The following CSMD1 variants were observed in gnomAD, a reference collection of about 807,000 sequenced individuals.
CSMD1 encodes the protein CUB and Sushi multiple domains 1, also known as CUB and sushi domain-containing protein 1.
CSMD1 carries 213 observed loss-of-function variants against 417.5 expected under a neutral mutation model. The ratio of observed to expected loss-of-function variants is 0.51; its 90% confidence interval spans 0.46 to 0.57. The LOEUF (loss-of-function observed/expected upper bound fraction) is 0.57, where lower values mean the gene tolerates loss of function less well. Ranked by LOEUF, CSMD1 falls within the 20% of genes least tolerant of loss-of-function variation. CSMD1 has a pLI of 0.00. For synonymous variants in CSMD1, 2,862 were observed against 1,736.8 expected (o/e 1.65, Z -16.11); for missense variants, 6,923 against 4,529.7 (o/e 1.53, Z -15.17).
At chr8:4,536,589 T>G (rs1036222098) in intron 2 of CSMD1, among the ~76,000 whole-genome samples, 1 of 152,230 alleles carries the variant, frequency 6.6e-6, no homozygotes, top group Non-Finnish European at 1.5e-5. Flanking sequence ...GTGGATATCC[T>G]GCCGTTTAGT....
At chr8:4,547,387 C>A (rs1797684728) in intron 2 of CSMD1, among the ~76,000 whole-genome samples, 1 of 152,192 alleles carries the variant, frequency 6.6e-6, no homozygotes, top group Non-Finnish European at 1.5e-5. Context: ...TTACTTTCTT[C>A]TTTTATATTT....
chr8:4,701,899 A>T lies in CSMD1; in HGVS notation c.86-64341T>A, dbSNP rs866218768. On this transcript the variant is annotated intron_variant, in intron 1 of 69. Transcript: ENST00000635120. ...ATAGACTGGATAAAGAACATGTGGC[A>T]CACGTACACTGTGGAATACTATGCA... Among the ~76,000 whole-genome samples, 6 of 152,336 alleles carry T rather than the reference A, an allele frequency of 3.9e-5. No homozygotes were observed. The South Asian group carries it at 6.2e-4, about 16-fold the overall frequency.
chr8:4,606,190 C>G (rs774152101), intron 2 of CSMD1, among the ~76,000 whole-genome samples: 6 of 152,176 alleles, frequency 3.9e-5, no homozygotes, highest in Non-Finnish European at 5.9e-5. Flanking sequence ...GGGCACTGCA[C>G]TCCACTCAGC....
At chr8:4,345,274 C>T (rs1800716398) in intron 3 of CSMD1, among the ~76,000 whole-genome samples, 1 of 152,128 alleles carries the variant, frequency 6.6e-6, no homozygotes, top group East Asian at 1.9e-4. Flanking sequence ...GGAACTTATG[C>T]TTTCTATGAG....
intron 3 of CSMD1, among the ~76,000 whole-genome samples, chr8:4,335,033 C>T (rs1800089373): frequency 6.6e-6 from 1 of 152,058 alleles, no homozygotes; most frequent in African/African-American, 2.4e-5. Flanking sequence ...TCCTTAGTAG[C>T]TGGGACCACA....
intron 1 of CSMD1, among the ~76,000 whole-genome samples, chr8:4,860,793 A>T (rs1351339917): frequency 6.6e-6 from 1 of 152,104 alleles, no homozygotes; most frequent in Non-Finnish European, 1.5e-5. Flanking sequence ...ATAATACCAA[A>T]TTGCAACTTC....
intron 41 of CSMD1, among the ~76,000 whole-genome samples, chr8:3,140,314 T>G (rs1051825828): frequency 6.7e-6 from 1 of 150,348 alleles, no homozygotes; most frequent in Admixed American, 6.7e-5. Context: ...GGGAAGTTGC[T>G]TCCTCTCTGA....
chr8:4,753,583 G>A (rs913918467), intron 1 of CSMD1, among the ~76,000 whole-genome samples: 1 of 151,960 alleles, frequency 6.6e-6, no homozygotes, highest in Non-Finnish European at 1.5e-5. Context: ...CTTCTCATTG[G>A]CACCCATGAA....
intron 25 of CSMD1, among the ~76,000 whole-genome samples, chr8:3,296,920 G>A (rs1021813537): frequency 2.6e-5 from 4 of 152,156 alleles, no homozygotes; most frequent in African/African-American, 9.7e-5. Context: ...GTAAGTTGGA[G>A]TTTCAGAGAG....
chr8:3,520,567 A>C (rs1797465826), intron 10 of CSMD1, among the ~76,000 whole-genome samples: 1 of 152,162 alleles, frequency 6.6e-6, no homozygotes, highest in South Asian at 2.1e-4. Flanking sequence ...AGAAGTGCGT[A>C]CATTTAACCT....
intron 2 of CSMD1, among the ~76,000 whole-genome samples, chr8:4,542,262 A>C (rs17344155): frequency 0.079 from 12,054 of 152,078 alleles, 567 homozygotes; most frequent in South Asian, 0.14. Flanking sequence ...TTTTTTTTGA[A>C]ATATTAGGAT....
At chr8:4,483,418 G>T (rs1453647625) in intron 2 of CSMD1, among the ~76,000 whole-genome samples, 1 of 152,096 alleles carries the variant, frequency 6.6e-6, no homozygotes, top group African/African-American at 2.4e-5. Flanking sequence ...TACATCTAAA[G>T]ATAAAAACAA....
intron 49 of CSMD1, among the ~76,000 whole-genome samples, chr8:3,054,717 G>A (rs1299655392): frequency 3.3e-5 from 5 of 152,180 alleles, no homozygotes; most frequent in African/African-American, 1.2e-4. Context: ...GTGTGTACAT[G>A]TGTGTAGTAC....
At chr8:4,707,139 G>A (rs903621995) in intron 1 of CSMD1, among the ~76,000 whole-genome samples, 6 of 152,174 alleles carry the variant, frequency 3.9e-5, no homozygotes, top group African/African-American at 1.4e-4. Context: ...CTGTTACAGT[G>A]ATCTGGGTGA....
At position 3,877,489 on chromosome 8, in the gene CSMD1, C is replaced by G. The variant is rs141547526; in HGVS notation, c.818+120414G>C. On this transcript the variant is annotated intron_variant, in intron 5 of 69. Transcript: ENST00000635120. Reference sequence around the variant, plus strand: ...CAGCTCTCTCAATTTGCTTCTAAGACGAGGGAGGAAATTTACTTATGGATA... The same window carrying G: ...CAGCTCTCTCAATTTGCTTCTAAGAGGAGGGAGGAAATTTACTTATGGATA... Among the ~76,000 whole-genome samples, 310 of 152,170 alleles carry G rather than the reference C, an allele frequency of 2.0e-3. 1 individual carries two copies. Among genetic ancestry groups the G allele is most frequent in the African/African-American group, 7.1e-3 (295 of 41,514 alleles).
intron 68 of CSMD1, among the ~76,000 whole-genome samples, chr8:2,947,210 G>A (rs747967721): frequency 1.4e-4 from 22 of 152,156 alleles, no homozygotes; most frequent in Non-Finnish European, 2.6e-4. Flanking sequence ...GAGGAAACCA[G>A]TTTATTGTTG....
chr8:3,855,415 T>C (rs887944305), intron 5 of CSMD1, among the ~76,000 whole-genome samples: 10 of 151,762 alleles, frequency 6.6e-5, no homozygotes, highest in Non-Finnish European at 1.2e-4. Context: ...TAAAAGCATA[T>C]TCTATAAAAA....
At chr8:4,524,147 G>T (rs1796386624) in intron 2 of CSMD1, among the ~76,000 whole-genome samples, 2 of 151,930 alleles carry the variant, frequency 1.3e-5, no homozygotes, top group South Asian at 2.1e-4. Flanking sequence ...CCAGACCTAT[G>T]CATCATATTT....
chr8:3,006,328 G>C (rs1464613343), intron 52 of CSMD1, among the ~76,000 whole-genome samples: 1 of 149,982 alleles, frequency 6.7e-6, no homozygotes, highest in Non-Finnish European at 1.5e-5. Context: ...AATCAATATC[G>C]TGAAAATGGC....
Sources: gnomAD v4.1 joint callset for allele counts (sites outside exome capture counted in the v4.1 genomes callset) on GRCh38, gnomAD v4.1.1 for gene constraint, MANE v1.5 for transcripts, NCBI Gene and HGNC (gene_info 2026-07-23, HGNC 2026-07-21) for gene names.